NCBP2: variants seen among roughly 807,000 people sequenced by gnomAD.
NCBP2 encodes nuclear cap-binding protein subunit 2.
Under a neutral mutation model 21.5 loss-of-function variants are expected in NCBP2, and 8 were observed. That is an observed-to-expected ratio of 0.37 (90% CI 0.22 to 0.67). The LOEUF (loss-of-function observed/expected upper bound fraction) is 0.67. Among genes scored for constraint, NCBP2 ranks in the 30% least tolerant of loss-of-function variants. NCBP2 has a pLI of 0.56. For missense variants in NCBP2, 127 were observed against 206.9 expected, an observed-to-expected ratio of 0.61 and a Z score of 2.37; for synonymous variants, 92 against 75.8, an observed-to-expected ratio of 1.21 and a Z score of -1.11.
At chr3:196,941,754 C>T (rs1256138492) in intron 1 of NCBP2, 9 of 693,248 alleles carry the variant, frequency 1.3e-5, no homozygotes, top group South Asian at 3.8e-5. Flanking sequence ...GCTGCCTCCC[C>T]TTTTTCCACA....
In NCBP2 at chr3:196,936,177, C is replaced by G. The variant is rs140245602; in HGVS notation, c.*834G>C. 1 of 151,932 alleles carries G rather than the reference C, an allele frequency of 6.6e-6. No homozygotes were observed. Among genetic ancestry groups the G allele is most frequent in the African/African-American group, 2.4e-5 (1 of 41,372 alleles). 9.4% of individuals were successfully genotyped at this position (151,932 alleles called of 1,614,324 possible). On this transcript the variant is annotated 3_prime_UTR_variant, in exon 4 of 4. Coordinates refer to ENST00000321256, the MANE Select transcript of NCBP2 (RefSeq NM_007362.5). The stretch of plus-strand genomic sequence containing the variant: ...AGGTTCCCTCTATGACAAACCCTTG[C>G]TTTTTTTTAGCTTTAGGTATAACAC...
Position 196,935,406 on chromosome 3 carries a change from A to T in NCBP2, c.*1605T>A, listed in dbSNP as rs1323061483. On this transcript the variant is annotated 3_prime_UTR_variant, in exon 4 of 4. Coordinates refer to ENST00000321256, the MANE Select transcript of NCBP2 (RefSeq NM_007362.5). ...GGCCAGGAAACAGGCAGCAACAACGATAAGTTCATCCAGCTTTATTGAAAC... is the reference window on the plus strand; with the variant it reads ...GGCCAGGAAACAGGCAGCAACAACGTTAAGTTCATCCAGCTTTATTGAAAC... 6.6e-6 allele frequency: 1 copy of T among 152,236 alleles called. No homozygotes were observed. The highest frequency in any genetic ancestry group is 2.4e-5 in the African/African-American group (1 of 41,460). The allele number at this position is 152,236 out of a possible 1,614,324, so 9.4% of individuals were successfully genotyped here. A position where few individuals can be genotyped will look rare whatever the true frequency, so the allele number is the denominator to read the frequency against.
At chr3:196,937,184 C>G in intron 3 of NCBP2, 102 bp from the exon 4 acceptor site, 1 of 1,127,670 alleles carries the variant, frequency 8.9e-7, no homozygotes, top group Non-Finnish European at 1.3e-6. Context: ...GTTCAGATGC[C>G]ACAATGTGAA....
chr3:196,937,380 C>T, intron 3 of NCBP2, 130 bp downstream of exon 3: 1 of 1,389,924 alleles, frequency 7.2e-7, no homozygotes, highest in Non-Finnish European at 9.7e-7. Context: ...GGGTGGTTTT[C>T]AGATCCACTT....
chr3:196,938,130 A>G (rs1189785752), intron 2 of NCBP2: 1 of 154,500 alleles, frequency 6.5e-6, no homozygotes, highest in Non-Finnish European at 1.4e-5. Context: ...AGGGGAAGAC[A>G]TTTAATCTCA....
chr3:196,942,110 G>A, intron 1 of NCBP2: 1 of 1,483,046 alleles, frequency 6.7e-7, no homozygotes, highest in Non-Finnish European at 8.9e-7. Flanking sequence ...AGTCGTCTGC[G>A]GAGGCACAAC....
At chr3:196,942,199 G>C in intron 1 of NCBP2, 1 of 1,454,300 alleles carries the variant, frequency 6.9e-7, no homozygotes, top group African/African-American at 1.4e-5. Context: ...GGCTGCGAGC[G>C]AATGGGATAA....
At chr3:196,939,051 T>G (rs1011026783) in intron 2 of NCBP2, 200 bp downstream of exon 2, 1 of 458,528 alleles carries the variant, frequency 2.2e-6, no homozygotes, top group African/African-American at 2.0e-5. Flanking sequence ...GAAAAACTTT[T>G]TGTTAAAGAA....
intron 1 of NCBP2, chr3:196,941,932 C>G (rs905550998): frequency 1.3e-6 from 2 of 1,536,174 alleles, no homozygotes; most frequent in African/African-American, 2.7e-5. Flanking sequence ...GTCTCCCACG[C>G]ACCGCGTACA....
At chr3:196,937,396 CA>C in intron 3 of NCBP2, 113 bp downstream of exon 3, 1 of 1,490,372 alleles carries the variant, frequency 6.7e-7, no homozygotes, top group Non-Finnish European at 9.0e-7. Context: ...CACTTCAAGC[CA>C]AGGTTATAGA....
chr3:196,941,449 T>G (rs1436029676), intron 1 of NCBP2: 1 of 157,726 alleles, frequency 6.3e-6, no homozygotes. Context: ...TCCCTTTCCC[T>G]ACTCTAGTAA....
intron 1 of NCBP2, among the ~76,000 whole-genome samples, chr3:196,940,441 G>A (rs1395701519): frequency 6.6e-6 from 1 of 151,976 alleles, no homozygotes; most frequent in Non-Finnish European, 1.5e-5. Flanking sequence ...TTTGGAGTGA[G>A]ACATTAGAGA....
At chr3:196,938,979 T>C in intron 2 of NCBP2, 1 of 363,100 alleles carries the variant, frequency 2.8e-6, no homozygotes, top group Non-Finnish European at 4.9e-6. Context: ...AGTACGAGAT[T>C]TTTATATTTT....
In NCBP2 at chr3:196,939,450, G is replaced by A; in HGVS notation, c.79-18C>T. ...TTGTCACCCTAGAATTTCAAATAGA[G>A]ACAAAAGTTAAGCAACTTCAGAGCC... On this transcript the variant is annotated intron_variant, in intron 1 of 3. Transcript: ENST00000321256. The A allele has an allele frequency of 1.3e-6, 2 of 1,569,852 alleles. No homozygotes were observed. Among genetic ancestry groups the A allele is most frequent in the Non-Finnish European group, 8.7e-7 (1 of 1,153,514 alleles).
At chr3:196,938,055 G>C (rs1716349926) in intron 2 of NCBP2, 1 of 160,764 alleles carries the variant, frequency 6.2e-6, no homozygotes, top group Non-Finnish European at 1.4e-5. Flanking sequence ...CTAAAGGAAA[G>C]ACTCAAGCTG....
intron 1 of NCBP2, among the ~76,000 whole-genome samples, chr3:196,940,488 T>G (rs1278512205): frequency 6.6e-6 from 1 of 152,226 alleles, no homozygotes; most frequent in Admixed American, 6.5e-5. Context: ...GTTACTGATT[T>G]GTGAACATGG....
chr3:196,938,241 A>C (rs1177167223), intron 2 of NCBP2: 1 of 152,262 alleles, frequency 6.6e-6, no homozygotes, highest in East Asian at 1.9e-4. Context: ...TCATTCTAGC[A>C]TTTGGGAAAC....
In NCBP2 at chr3:196,939,257, A is replaced by C; in HGVS notation, c.254T>G (p.Phe85Cys). 6.2e-7 allele frequency: 1 copy of C among 1,613,402 alleles called. No homozygotes were observed. Among genetic ancestry groups the C allele is most frequent in the Non-Finnish European group, 8.5e-7 (1 of 1,179,324 alleles). Reference protein sequence around the residue: ...KMKKTACGFCFVEYYSRADAE... With the variant: ...KMKKTACGFCCVEYYSRADAE... ...AGATCCATGGGAAGGATACTCCACA[A>C]AACAGAATCCACATGCTGTTTTCTT... The change falls in exon 2 of 4, where the codon TTT (phenylalanine) becomes TGT (cysteine). Residue 85 changes from phenylalanine to cysteine, a missense_variant. By Grantham distance (205) the Phe-to-Cys change is radical. Coordinates refer to ENST00000321256, the MANE Select transcript of NCBP2 (RefSeq NM_007362.5).
chr3:196,937,464 C>G (rs1246303793), intron 3 of NCBP2, 46 bp downstream of exon 3: 1 of 1,607,506 alleles, frequency 6.2e-7, no homozygotes, highest in South Asian at 1.1e-5. Context: ...GTCATTGTGA[C>G]TGGAATCCCA....
Sources: gnomAD v4.1 joint callset for allele counts (sites outside exome capture counted in the v4.1 genomes callset) on GRCh38, gnomAD v4.1.1 for gene constraint, MANE v1.5 for transcripts, NCBI Gene and HGNC (gene_info 2026-07-23, HGNC 2026-07-21) for gene names.